Variants in ABCC5 observed in about 807,000 individuals in gnomAD.
ABCC5 encodes ATP-binding cassette sub-family C member 5.
ABCC5 carries 61 observed loss-of-function variants against 160.9 expected under a neutral mutation model. The ratio of observed to expected loss-of-function variants is 0.38; its 90% confidence interval spans 0.31 to 0.47. ABCC5 has a LOEUF of 0.47. ABCC5 is among the 20% of genes least tolerant of loss of function. The probability of loss-of-function intolerance (pLI) is 0.99; values close to 1 mark genes in which losing one functional copy is unlikely to be tolerated. For missense variants in ABCC5, 1,308 were observed against 1,813.3 expected (o/e 0.72, Z 5.06); for synonymous variants, 666 against 700.6 (o/e 0.95, Z 0.78).
At chr3:183,977,654 CCTA>C (rs2108845999) in intron 9 of ABCC5, 30 bp from the exon 10 acceptor site, 21 of 1,528,784 alleles carry the variant, frequency 1.4e-5, no homozygotes, top group Non-Finnish European at 1.9e-5. Context: ...AGAAACTGTG[CCTA>C]ATGATGCTAT....
Position 183,947,823 on chromosome 3 carries a change from G to C in ABCC5, c.3228-313C>G, listed in dbSNP as rs369203521. On this transcript the variant is annotated intron_variant, in intron 22 of 29. Transcript: ENST00000334444. ...ATGGGAAAAGAGACTGAATAAAGAGGCTTGTGTTAAACTTTAGAAAAATAT... is the reference window on the plus strand; with the variant it reads ...ATGGGAAAAGAGACTGAATAAAGAGCCTTGTGTTAAACTTTAGAAAAATAT... 2.7e-4 allele frequency among the ~76,000 whole-genome samples: 41 copies of C among 152,262 alleles called. 1 individual carries two copies. The South Asian group carries it at 7.7e-3, about 28-fold the overall frequency.
rs146063907 is a variant in ABCC5 at position 183,922,035 on chromosome 3, TAATAAATAAATA to T, written c.4213-646_4213-635del. ...GACACAACGAGACTCTGCCTCAAAATAATAAATAAATAAATAAATAAATAAATAAATAAATAA... is the reference window on the plus strand; with the variant it reads ...GACACAACGAGACTCTGCCTCAAAATAATAAATAAATAAATAAATAAATAA... On this transcript the variant is annotated intron_variant, in intron 29 of 29. Transcript: ENST00000334444. 5.6e-3 allele frequency among the ~76,000 whole-genome samples: 824 copies of T among 146,206 alleles called. 13 individuals are homozygous for T. The highest frequency in any genetic ancestry group is 0.018 in the African/African-American group (696 of 39,138).
intron 8 of ABCC5, among the ~76,000 whole-genome samples, chr3:183,979,285 C>T (rs1406128012): frequency 6.6e-6 from 1 of 150,460 alleles, no homozygotes; most frequent in African/African-American, 2.5e-5. Flanking sequence ...GTGGAAGTTG[C>T]AGTGCACCGA....
intron 27 of ABCC5, among the ~76,000 whole-genome samples, chr3:183,928,033 CT>C (rs1052975089): frequency 2.6e-4 from 39 of 152,084 alleles, no homozygotes; most frequent in Admixed American, 6.6e-4. Context: ...TGAGGGCCTA[CT>C]GAGTTGTCCC....
At chr3:183,926,962 T>A (rs918150797) in intron 28 of ABCC5, among the ~76,000 whole-genome samples, 1 of 151,536 alleles carries the variant, frequency 6.6e-6, no homozygotes, top group Admixed American at 6.6e-5. Context: ...GGAGAATCAC[T>A]TGAACCTGGG....
chr3:183,922,198 CCT>C (rs1033224288), intron 29 of ABCC5, among the ~76,000 whole-genome samples: 8 of 151,912 alleles, frequency 5.3e-5, no homozygotes, highest in African/African-American at 1.9e-4. Flanking sequence ...ATGGTGAAAC[CCT>C]GTCTCTAGTG....
In ABCC5 at chr3:183,953,074, G is replaced by C. The variant is rs1715536126; in HGVS notation, c.2667+12C>G. 1.2e-6 allele frequency: 2 copies of C among 1,609,896 alleles called. No individual in the cohort carries two copies. The highest frequency in any genetic ancestry group is 1.7e-6 in the Non-Finnish European group (2 of 1,178,140). On this transcript the variant is annotated intron_variant, in intron 18 of 29. Coordinates refer to ENST00000334444, the MANE Select transcript of ABCC5 (RefSeq NM_005688.4). ...TTAGACACAGAACTTTCCCATTTATGAGTAACCTTACCCCGCTTCCTTGCT... is the reference window on the plus strand; with the variant it reads ...TTAGACACAGAACTTTCCCATTTATCAGTAACCTTACCCCGCTTCCTTGCT...
rs1274897141 is a variant in ABCC5 at position 184,003,094 on chromosome 3, C to T, written c.129+11170G>A. 2.0e-5 allele frequency among the ~76,000 whole-genome samples: 3 copies of T among 152,220 alleles called. 1 individual carries two copies. The highest frequency in any genetic ancestry group is 6.8e-3 in the Middle Eastern group (2 of 294). On this transcript the variant is annotated intron_variant, in intron 2 of 29. Coordinates refer to ENST00000334444, the MANE Select transcript of ABCC5 (RefSeq NM_005688.4). ...AAATACATCCTTCTGGCCAAGAAAACCATTTCTACAGATGTCCCAGGCCCA... is the reference window on the plus strand; with the variant it reads ...AAATACATCCTTCTGGCCAAGAAAATCATTTCTACAGATGTCCCAGGCCCA...
At chr3:183,925,446 T>C in intron 29 of ABCC5, 109 bp downstream of exon 29, 2 of 1,139,328 alleles carry the variant, frequency 1.8e-6, no homozygotes, top group Non-Finnish European at 2.5e-6. Flanking sequence ...CTGCTGCAAG[T>C]GCTTATCTGA....
At chr3:183,989,508 G>A in intron 2 of ABCC5, 125 bp from the exon 3 acceptor site, 1 of 968,720 alleles carries the variant, frequency 1.0e-6, no homozygotes, top group Non-Finnish European at 1.5e-6. Context: ...CCAAGCAAGG[G>A]TCAGGAGGTT....
chr3:183,972,093 C>T (rs1415558642), intron 10 of ABCC5, 174 bp from the exon 11 acceptor site: 13 of 1,402,828 alleles, frequency 9.3e-6, no homozygotes, highest in East Asian at 5.0e-5. Context: ...CAAGGGGTCA[C>T]GGGAGTGTGG....
Position 183,951,420 on chromosome 3 carries a change from A to C in ABCC5, c.2944+21T>G. On this transcript the variant is annotated intron_variant, in intron 20 of 29. Coordinates refer to ENST00000334444, the MANE Select transcript of ABCC5 (RefSeq NM_005688.4). The surrounding 1 kb of genome is among the most constrained non-coding windows in gnomAD (Gnocchi z 4.7). ...GCACAGTGAGCTCCAGAGTATTAAA[A>C]AAAGGCTCAGTGAGAAATACCTTCA... 6.2e-7 allele frequency: 1 copy of C among 1,613,264 alleles called. No individual in the cohort carries two copies.
At chr3:183,956,471 C>T (rs1226461029) in intron 17 of ABCC5, among the ~76,000 whole-genome samples, 12 of 149,266 alleles carry the variant, frequency 8.0e-5, no homozygotes, top group African/African-American at 2.0e-4. Context: ...CATGCGGATC[C>T]GTGTGTATAT....
In ABCC5 at chr3:183,981,738, T is replaced by C. The variant is rs1446923963; in HGVS notation, c.1136A>G (p.Gln379Arg). ...KMYAWVKAFS[Q>R]SVQKIREEER... ...ATCTTTAAACTCACTTTGAACACTC[T>C]GAGAAAATGCTTTGACCCAGGCATA... The change falls in exon 8 of 30, where the codon CAG becomes CGG. Residue 379 changes from glutamine (Q) to arginine (R), a missense_variant. Around this residue, in one of 3 missense-constraint regions of ABCC5, gnomAD observed 1,142 missense variants for 1,527.1 expected, o/e 0.75. Coordinates refer to ENST00000334444, the MANE Select transcript of ABCC5 (RefSeq NM_005688.4). 1 of 1,610,862 alleles carries C rather than the reference T, an allele frequency of 6.2e-7. No individual in the cohort carries two copies. Among genetic ancestry groups the C allele is most frequent in the Non-Finnish European group, 8.5e-7 (1 of 1,179,336 alleles).
intron 2 of ABCC5, among the ~76,000 whole-genome samples, chr3:183,996,821 C>G (rs937131400): frequency 1.3e-5 from 2 of 152,204 alleles, no homozygotes; most frequent in Non-Finnish European, 2.9e-5. Context: ...AGAATCAAAC[C>G]TTGCTACTCT....
intron 18 of ABCC5, among the ~76,000 whole-genome samples, chr3:183,952,838 T>C (rs1715505440): frequency 6.6e-6 from 1 of 152,194 alleles, no homozygotes; most frequent in Admixed American, 6.5e-5. Flanking sequence ...AATGGACTAA[T>C]ACACAACGGA....
intron 25 of ABCC5, among the ~76,000 whole-genome samples, chr3:183,940,187 TCTC>T (rs1379018761): frequency 3.3e-5 from 5 of 151,950 alleles, no homozygotes; most frequent in African/African-American, 9.7e-5. Flanking sequence ...GCAGGATAGT[TCTC>T]CTCCTAGAAA....
In ABCC5 at chr3:183,953,161, G is replaced by C; in HGVS notation, c.2592C>G (p.Ala864=). Residue 864 remains alanine (A), a synonymous_variant, in exon 18 of 30, where the codon GCC becomes GCG. Coordinates refer to ENST00000334444, the MANE Select transcript of ABCC5 (RefSeq NM_005688.4). ...GGPLAFLVIM[A]LFMLNVGSTA... ...TGCTGCCTACATTCAGCATGAAAAG[G>C]GCCATAATAACCAGGAATGCCAAGG... 1 of 1,614,118 alleles carries C rather than the reference G, an allele frequency of 6.2e-7. No homozygotes were observed. Among genetic ancestry groups the C allele is most frequent in the Non-Finnish European group, 8.5e-7 (1 of 1,180,034 alleles).
intron 2 of ABCC5, among the ~76,000 whole-genome samples, chr3:183,997,334 GA>G (rs1368007905): frequency 1.7e-3 from 264 of 152,314 alleles, no homozygotes; most frequent in African/African-American, 6.1e-3. Flanking sequence ...ACATAGGGAT[GA>G]GAGGAATTAA....
Sources: gnomAD v4.1 joint callset for allele counts (sites outside exome capture counted in the v4.1 genomes callset) on GRCh38, gnomAD v4.1.1 for gene constraint, gnomAD v4.1.1 regional missense constraint, Gnocchi (gnomAD v3.1) non-coding constraint, MANE v1.5 for transcripts, NCBI Gene and HGNC (gene_info 2026-07-23, HGNC 2026-07-21) for gene names.